Variants in LIFR observed in about 807,000 individuals in gnomAD.
The protein encoded by LIFR is LIF receptor subunit alpha.
A neutral mutation model predicts 122.2 loss-of-function variants in LIFR; 84 were observed. That is an observed-to-expected ratio of 0.69 (90% CI 0.58 to 0.82). The LOEUF is 0.82. LIFR is among the 40% of genes least tolerant of loss of function. The pLI is 0.00. For missense variants in LIFR, 1,294 were observed against 1,311.6 expected (o/e 0.99, Z 0.21); for synonymous variants, 422 against 434.7 (o/e 0.97, Z 0.36).
chr5:38,488,892 GTCA>G (rs528492649), intron 16 of LIFR, among the ~76,000 whole-genome samples, 183 bp downstream of exon 16: 79 of 152,320 alleles, frequency 5.2e-4, no homozygotes, highest in Middle Eastern at 3.4e-3. Context: ...GACTATACAT[GTCA>G]TTATTGCACA....
chr5:38,523,310 T>C lies in LIFR; in HGVS notation c.561+109A>G, dbSNP rs571442131. ...TTAATGAACCCTGAAAGGTATCTGA[T>C]TTACTTCCTAAATAATCCAAAAGTT... is the stretch of plus-strand genomic sequence containing the variant. On this transcript the variant is annotated intron_variant, in intron 5 of 19. Coordinates refer to ENST00000453190, the MANE Select transcript of LIFR (RefSeq NM_001127671.2). 9 of 842,538 alleles carry C rather than the reference T, an allele frequency of 1.1e-5. No homozygotes were observed. In the Admixed American group the frequency reaches 2.1e-4, roughly 20 times the overall value. 52.2% of individuals were successfully genotyped at this position (842,538 alleles called of 1,614,324 possible).
rs1312388661 is a variant in LIFR at position 38,475,851 on chromosome 5, T to C, written c.*5744A>G. 1 of 189,628 alleles carries C rather than the reference T, an allele frequency of 5.3e-6. No individual in the cohort carries two copies. The highest frequency in any genetic ancestry group is 1.1e-5 in the Non-Finnish European group (1 of 90,084). 11.7% of individuals were successfully genotyped at this position (189,628 alleles called of 1,614,324 possible). Reference sequence around the variant, plus strand: ...TTTATTTTACCTTTCAACATACTTTTAAGATGGTACTATCTTAAATCTAGG... The same window carrying C: ...TTTATTTTACCTTTCAACATACTTTCAAGATGGTACTATCTTAAATCTAGG... On this transcript the variant is annotated 3_prime_UTR_variant, in exon 20 of 20. Coordinates refer to ENST00000453190, the MANE Select transcript of LIFR (RefSeq NM_001127671.2).
At chr5:38,515,312 T>C (rs1186877504) in intron 5 of LIFR, among the ~76,000 whole-genome samples, 1 of 151,910 alleles carries the variant, frequency 6.6e-6, no homozygotes, top group Non-Finnish European at 1.5e-5. Flanking sequence ...GTGAATAAGG[T>C]TGGGAAGCCA....
intron 1 of LIFR, among the ~76,000 whole-genome samples, chr5:38,565,630 C>T (rs1393437818): frequency 6.6e-6 from 1 of 150,592 alleles, no homozygotes; most frequent in Non-Finnish European, 1.5e-5. Context: ...TCTTGTTGCC[C>T]AGGCTGGAGT....
chr5:38,591,345 T>G (rs1237889451), intron 1 of LIFR, among the ~76,000 whole-genome samples: 1 of 152,208 alleles, frequency 6.6e-6, no homozygotes, highest in Non-Finnish European at 1.5e-5. Context: ...GAATACTGAT[T>G]TTACTTTAGT....
chr5:38,531,787 TTC>T (rs1747025287), intron 1 of LIFR, among the ~76,000 whole-genome samples: 1 of 152,208 alleles, frequency 6.6e-6, no homozygotes. Flanking sequence ...AAAAATATTT[TTC>T]TTAGTGAAAG....
chr5:38,553,341 C>T (rs543625069), intron 1 of LIFR, among the ~76,000 whole-genome samples: 1 of 152,088 alleles, frequency 6.6e-6, no homozygotes, highest in Non-Finnish European at 1.5e-5. Flanking sequence ...CCATGCAACC[C>T]TGATTGCTTT....
At chr5:38,484,352 T>C (rs2112368123) in intron 18 of LIFR, among the ~76,000 whole-genome samples, 1 of 152,182 alleles carries the variant, frequency 6.6e-6, no homozygotes, top group Non-Finnish European at 1.5e-5. Flanking sequence ...CACGATATGA[T>C]ATCCCCCTTC....
chr5:38,589,038 C>T (rs964460348), intron 1 of LIFR, among the ~76,000 whole-genome samples: 11 of 150,030 alleles, frequency 7.3e-5, no homozygotes, highest in African/African-American at 2.2e-4. Flanking sequence ...CACTCTGTTG[C>T]CGAGGCTGAA....
At chr5:38,547,476 G>T (rs1273862593) in intron 1 of LIFR, among the ~76,000 whole-genome samples, 2 of 151,972 alleles carry the variant, frequency 1.3e-5, no homozygotes, top group Non-Finnish European at 2.9e-5. Flanking sequence ...CATGACTCAA[G>T]AAATTTTCTT....
intron 16 of LIFR, among the ~76,000 whole-genome samples, chr5:38,487,072 C>G (rs972668385): frequency 2.6e-5 from 4 of 152,068 alleles, no homozygotes; most frequent in Non-Finnish European, 5.9e-5. Context: ...AATCCCAGGT[C>G]CACATCTTCT....
chr5:38,587,214 T>G (rs987691128), intron 1 of LIFR, among the ~76,000 whole-genome samples: 2 of 150,416 alleles, frequency 1.3e-5, no homozygotes, highest in African/African-American at 4.9e-5. Context: ...TGGAGTCTAA[T>G]GGGGAACAGA....
chr5:38,605,586 T>A (rs1385870335), intron 2 of LIFR, among the ~76,000 whole-genome samples: 1 of 152,172 alleles, frequency 6.6e-6, no homozygotes, highest in Non-Finnish European at 1.5e-5. Flanking sequence ...AAAGCCAAGC[T>A]GGGAACTGCT....
intron 1 of LIFR, among the ~76,000 whole-genome samples, chr5:38,581,038 A>G (rs912173161): frequency 3.9e-5 from 6 of 151,984 alleles, no homozygotes; most frequent in Non-Finnish European, 8.8e-5. Flanking sequence ...TTCCTCATCT[A>G]TAAAAAAAGG....
rs34130318 is a variant in LIFR, at chr5:38,477,761, G to C, written c.*3834C>G. ...TTCTGTTGAATCTGTGACACTCTGG[G>C]ATAGGACTCAGTCAAGAAAATTAGT... On this transcript the variant is annotated 3_prime_UTR_variant, in exon 20 of 20. Coordinates refer to ENST00000453190, the MANE Select transcript of LIFR (RefSeq NM_001127671.2). The C allele has an allele frequency of 0.32, 69,185 of 217,440 alleles. 11,475 individuals are homozygous for C. The highest frequency in any genetic ancestry group is 0.41 in the East Asian group (6,046 of 14,656). 13.5% of individuals were successfully genotyped at this position (217,440 alleles called of 1,614,324 possible). A position where few individuals can be genotyped will look rare whatever the true frequency, so the allele number is the denominator to read the frequency against.
chr5:38,528,929 G>A, intron 2 of LIFR, 89 bp from the exon 3 acceptor site: 1 of 838,002 alleles, frequency 1.2e-6, no homozygotes, highest in Non-Finnish European at 2.0e-6. Context: ...ACTCTAAAAA[G>A]TCAACCATTT....
chr5:38,532,453 G>A (rs543574660), intron 1 of LIFR, among the ~76,000 whole-genome samples: 1 of 152,256 alleles, frequency 6.6e-6, no homozygotes, highest in Non-Finnish European at 1.5e-5. Flanking sequence ...TTCCATTCCT[G>A]CTGGCAGGGA....
chr5:38,525,469 C>A (rs527629528), intron 4 of LIFR, among the ~76,000 whole-genome samples: 1 of 152,148 alleles, frequency 6.6e-6, no homozygotes, highest in African/African-American at 2.4e-5. Context: ...CAAACCAATA[C>A]ACATTAATCT....
intron 12 of LIFR, among the ~76,000 whole-genome samples, chr5:38,497,191 G>A (rs1049051060): frequency 3.3e-5 from 5 of 152,280 alleles, no homozygotes; most frequent in African/African-American, 7.2e-5. Flanking sequence ...GCTGAGGCGG[G>A]AGAATCACTT....
Sources: gnomAD v4.1 joint callset for allele counts (sites outside exome capture counted in the v4.1 genomes callset) on GRCh38, gnomAD v4.1.1 for gene constraint, MANE v1.5 for transcripts, NCBI Gene and HGNC (gene_info 2026-07-23, HGNC 2026-07-21) for gene names.